The following TNIK variants were observed in gnomAD, a reference collection of about 807,000 sequenced individuals.
The protein encoded by TNIK is TRAF2 and NCK interacting kinase, also known as TRAF2 and NCK-interacting protein kinase.
In TNIK, 49 loss-of-function variants were observed where a neutral mutation model predicts 191.3. The ratio of observed to expected loss-of-function variants is 0.26; its 90% CI spans 0.20 to 0.32. The LOEUF (loss-of-function observed/expected upper bound fraction) is 0.32. TNIK is among the 10% of genes least tolerant of loss of function. The pLI, the probability that TNIK is intolerant of heterozygous loss-of-function variation, is 1.00. For synonymous variants in TNIK, 594 were observed against 600.9 expected, an observed-to-expected ratio of 0.99 and a Z score of 0.17; for missense variants, 1,155 against 1,702.3, an observed-to-expected ratio of 0.68 and a Z score of 5.66.
chr3:171,357,691 G>C (rs1013152569), intron 2 of TNIK, among the ~76,000 whole-genome samples: 1 of 152,036 alleles, frequency 6.6e-6, no homozygotes, highest in Non-Finnish European at 1.5e-5. Context: ...AGAGTACGGA[G>C]AGAAGAGGCA....
intron 2 of TNIK, among the ~76,000 whole-genome samples, chr3:171,276,394 G>A (rs74552294): frequency 0.06 from 9,062 of 152,178 alleles, 316 homozygotes; most frequent in Middle Eastern, 0.12. Context: ...TGTGGAGGAG[G>A]GGCTGGGAAA....
intron 9 of TNIK, among the ~76,000 whole-genome samples, chr3:171,170,848 C>A: frequency 6.6e-6 from 1 of 151,980 alleles, no homozygotes; most frequent in Non-Finnish European, 1.5e-5. Flanking sequence ...GCCAGGAGTT[C>A]GAGACCAGCC....
At position 171,089,467 on chromosome 3, in the gene TNIK, G is replaced by A. The variant is rs147475885; in HGVS notation, c.2722-1961C>T. Among the ~76,000 whole-genome samples, 540 of 152,020 alleles carry A rather than the reference G, an allele frequency of 3.6e-3. 3 individuals are homozygous for A. The highest frequency in any genetic ancestry group is 0.013 in the African/African-American group (527 of 41,426). ...CATGTCATCTCTTTGGAATTTTTTG[G>A]CCTCTCTTGTATCAGCAGCACTCTT... is the stretch of plus-strand genomic sequence containing the variant. On this transcript the variant is annotated intron_variant, in intron 23 of 32. Transcript: ENST00000436636.
rs566030049 is a variant in TNIK at position 171,373,345 on chromosome 3, C to G, written c.58-3660G>C. Among the ~76,000 whole-genome samples the G allele has an allele frequency of 5.3e-5, 8 of 152,138 alleles. No homozygotes were observed. The South Asian group carries it at 1.2e-3, about 24-fold the overall frequency. ...TACCTCTTAGTCTCTCTCACAGATT[C>G]TATAATATTTCTTCTGCTCACACCT... On this transcript the variant is annotated intron_variant, in intron 1 of 32. Transcript: ENST00000436636.
chr3:171,265,982 T>C (rs1009546511), intron 2 of TNIK, among the ~76,000 whole-genome samples: 3 of 152,170 alleles, frequency 2.0e-5, no homozygotes, highest in Non-Finnish European at 2.9e-5. Flanking sequence ...GCACCTCCAA[T>C]TCAGATACAT....
At chr3:171,219,257 GTAA>G (rs1466962733) in intron 3 of TNIK, among the ~76,000 whole-genome samples, 3 of 138,514 alleles carry the variant, frequency 2.2e-5, no homozygotes, top group Non-Finnish European at 4.6e-5. Flanking sequence ...ATATAATTTA[GTAA>G]TAATTATAAT....
intron 30 of TNIK, 74 bp downstream of exon 30, chr3:171,068,774 A>G: frequency 6.8e-7 from 1 of 1,461,338 alleles, no homozygotes; most frequent in Non-Finnish European, 9.1e-7. Context: ...TACTAAAACT[A>G]TGCAAAACAA....
Position 171,110,757 on chromosome 3 carries a change from C to A in TNIK, c.2241G>T (p.Gln747His). ...CACTGGATCCTGCTTGTGATCCAGG[C>A]TGGGAGCCTCCTTGGGAGCTGGGCT... ...SSQPSSQGGS[Q>H]PGSQAGSSER... is the part of the protein sequence containing the mutation. The change falls in exon 19 of 33, where the codon CAG becomes CAT. Residue 747 changes from glutamine (Q) to histidine (H), a missense_variant. Coordinates refer to ENST00000436636, the MANE Select transcript of TNIK (RefSeq NM_015028.4). 6.2e-7 allele frequency: 1 copy of A among 1,602,420 alleles called. No homozygotes were observed. The highest frequency in any genetic ancestry group is 8.5e-7 in the Non-Finnish European group (1 of 1,174,626).
intron 2 of TNIK, among the ~76,000 whole-genome samples, chr3:171,274,686 GAA>G (rs1749509989): frequency 1.3e-5 from 2 of 152,118 alleles, no homozygotes; most frequent in Admixed American, 6.5e-5. Flanking sequence ...TAGAAATGTA[GAA>G]AACAATATTG....
rs557833100 is a variant in TNIK at position 171,413,164 on chromosome 3, G to A, written c.58-43479C>T. ...ACAAATACATGATAATATCATATGCGCATACATATTTTTACTTACATTCAA... is the reference window on the plus strand; with the variant it reads ...ACAAATACATGATAATATCATATGCACATACATATTTTTACTTACATTCAA... On this transcript the variant is annotated intron_variant, in intron 1 of 32. Transcript: ENST00000436636. Among the ~76,000 whole-genome samples, 18 of 152,186 alleles carry A rather than the reference G, an allele frequency of 1.2e-4. No homozygotes were observed. In the East Asian group the frequency reaches 1.7e-3, roughly 15 times the overall value.
At chr3:171,403,949 C>T (rs889582079) in intron 1 of TNIK, among the ~76,000 whole-genome samples, 3 of 152,144 alleles carry the variant, frequency 2.0e-5, no homozygotes, top group African/African-American at 7.2e-5. Flanking sequence ...GTATTGCACA[C>T]ATCTATAGAG....
intron 2 of TNIK, among the ~76,000 whole-genome samples, chr3:171,266,653 T>C (rs531939135): frequency 6.6e-6 from 1 of 152,312 alleles, no homozygotes; most frequent in African/African-American, 2.4e-5. Context: ...CATGCTTCCA[T>C]GGGAAAACCT....
chr3:171,137,979 A>AAAAC (rs1553829235), intron 15 of TNIK, among the ~76,000 whole-genome samples: 3 of 130,086 alleles, frequency 2.3e-5, no homozygotes, highest in African/African-American at 8.7e-5. Context: ...AAAAAAAAAA[A>AAAAC]AAAAACAAAA....
chr3:171,435,131 C>A lies in TNIK; in HGVS notation c.57+24876G>T, dbSNP rs184581742. On this transcript the variant is annotated intron_variant, in intron 1 of 32. Coordinates refer to ENST00000436636, the MANE Select transcript of TNIK (RefSeq NM_015028.4). ...CTGGAGCAAACCTAAGTATCACAGT[C>A]TTTAGATAATATCCAAGTCCAGGAT... is the stretch of plus-strand genomic sequence containing the variant. Among the ~76,000 whole-genome samples, 651 of 152,270 alleles carry A rather than the reference C, an allele frequency of 4.3e-3. 7 individuals carry two copies. The highest frequency in any genetic ancestry group is 5.6e-3 in the Non-Finnish European group (384 of 68,030).
At chr3:171,334,176 A>G (rs865839077) in intron 2 of TNIK, among the ~76,000 whole-genome samples, 6 of 152,222 alleles carry the variant, frequency 3.9e-5, no homozygotes, top group Admixed American at 1.3e-4. Context: ...TAAAATGGAA[A>G]GAAGGGTTTT....
intron 1 of TNIK, among the ~76,000 whole-genome samples, chr3:171,429,588 A>G (rs1227019897): frequency 6.6e-6 from 1 of 152,188 alleles, no homozygotes; most frequent in East Asian, 1.9e-4. Flanking sequence ...CAGATATTAA[A>G]CATCTTCAAA....
chr3:171,380,043 A>G (rs60579156), intron 1 of TNIK, among the ~76,000 whole-genome samples: 22 of 110,876 alleles, frequency 2.0e-4, no homozygotes, highest in Admixed American at 1.3e-3. Context: ...ACACACACAC[A>G]CACACACACA....
At chr3:171,144,838 CAGTG>C (rs1731315517) in intron 12 of TNIK, among the ~76,000 whole-genome samples, 1 of 152,130 alleles carries the variant, frequency 6.6e-6, no homozygotes, top group South Asian at 2.1e-4. Context: ...TAGATTCCAC[CAGTG>C]AGTGAGATCA....
At chr3:171,146,546 C>G (rs900722814) in intron 12 of TNIK, among the ~76,000 whole-genome samples, 1 of 152,108 alleles carries the variant, frequency 6.6e-6, no homozygotes, top group African/African-American at 2.4e-5. Flanking sequence ...AGACTAGATT[C>G]TGGTCCTGCA....
Sources: allele counts gnomAD v4.1 joint callset (sites outside exome capture counted in the v4.1 genomes callset), GRCh38; gene constraint gnomAD v4.1.1; transcripts MANE v1.5; gene names NCBI Gene and HGNC (gene_info 2026-07-23, HGNC 2026-07-21).